MMS22L: variants seen among roughly 807,000 people sequenced by gnomAD.
The protein encoded by MMS22L is MMS22 like, DNA repair protein.
In MMS22L, 74 loss-of-function variants were observed where a neutral mutation model predicts 159.1. The ratio of observed to expected loss-of-function variants is 0.47; its 90% CI spans 0.39 to 0.56. MMS22L has a LOEUF of 0.56. Among genes scored for constraint, MMS22L ranks in the 20% least tolerant of loss-of-function variants. MMS22L has a pLI of 0.00. For synonymous variants in MMS22L, 517 were observed against 506.9 expected (o/e 1.02, Z -0.27); for missense variants, 1,351 against 1,422.1 (o/e 0.95, Z 0.80).
intron 14 of MMS22L, among the ~76,000 whole-genome samples, chr6:97,187,955 CAA>C (rs777141346): frequency 4.6e-5 from 7 of 152,002 alleles, no homozygotes; most frequent in Non-Finnish European, 7.4e-5. Context: ...AGGAAATATT[CAA>C]AAAACAAGTG....
chr6:97,214,700 T>C (rs1170610470), intron 14 of MMS22L, among the ~76,000 whole-genome samples: 3 of 148,984 alleles, frequency 2.0e-5, no homozygotes, highest in African/African-American at 5.0e-5. Context: ...TTTTTTTTTT[T>C]CAAATCATTT....
chr6:97,273,271 G>A (rs1815935986), intron 4 of MMS22L, among the ~76,000 whole-genome samples: 1 of 152,140 alleles, frequency 6.6e-6, no homozygotes, highest in African/African-American at 2.4e-5. Flanking sequence ...CTAATAGACA[G>A]TGCCTACCCT....
intron 9 of MMS22L, chr6:97,259,902 C>A (rs1437950365): frequency 6.6e-6 from 1 of 152,110 alleles, no homozygotes; most frequent in Non-Finnish European, 1.5e-5. Context: ...TTGGAGGGTA[C>A]ACATTTAGAG....
At chr6:97,272,135 T>C (rs972783482) in intron 6 of MMS22L, 2 of 152,240 alleles carry the variant, frequency 1.3e-5, no homozygotes, top group African/African-American at 4.8e-5. Flanking sequence ...ATCTATTACT[T>C]ATCTATAAGC....
chr6:97,178,506 C>CT lies in MMS22L; in HGVS notation c.2615dup (p.Ala873GlyfsTer4). 1 of 1,590,874 alleles carries CT rather than the reference C, an allele frequency of 6.3e-7. No individual in the cohort carries two copies. Among genetic ancestry groups the CT allele is most frequent in the Non-Finnish European group, 8.6e-7 (1 of 1,165,514 alleles). ...AGATGGATAAATATTCAACTTGGGC[C>CT]TTTGAGAAAATACTCTTTACTTCTG... On this transcript the variant is annotated frameshift_variant, in exon 18 of 25. Transcript: ENST00000683635. LOFTEE classifies it high-confidence loss of function.
intron 18 of MMS22L, among the ~76,000 whole-genome samples, chr6:97,177,813 CTG>C (rs1211696955): frequency 6.6e-6 from 1 of 152,120 alleles, no homozygotes; most frequent in Non-Finnish European, 1.5e-5. Flanking sequence ...ACCAACCACT[CTG>C]TGGGAAAATA....
intron 14 of MMS22L, among the ~76,000 whole-genome samples, chr6:97,187,656 C>G (rs1582525177): frequency 6.6e-6 from 1 of 151,904 alleles, no homozygotes; most frequent in East Asian, 1.9e-4. Context: ...ATAGAGATAG[C>G]ATTCCACTAA....
intron 14 of MMS22L, among the ~76,000 whole-genome samples, chr6:97,191,382 C>T (rs898213096): frequency 3.9e-5 from 6 of 152,154 alleles, no homozygotes; most frequent in African/African-American, 1.4e-4. Context: ...GTATGACATC[C>T]TATATACCAC....
chr6:97,152,845 T>A (rs1801456599), intron 22 of MMS22L, among the ~76,000 whole-genome samples: 1 of 151,382 alleles, frequency 6.6e-6, no homozygotes, highest in Admixed American at 6.6e-5. Context: ...TTTTCTTTTT[T>A]TTTTTTTTAA....
In MMS22L at chr6:97,142,894, A is replaced by G. The variant is rs1800705114; in HGVS notation, c.*3912T>C. The stretch of plus-strand genomic sequence containing the variant: ...AAACCCACAAACATCTGACTCACAA[A>G]TATTTTCTTATACAGATGCTGAGGT... On this transcript the variant is annotated 3_prime_UTR_variant, in exon 25 of 25. Transcript: ENST00000683635. 6.6e-6 allele frequency: 1 copy of G among 152,402 alleles called. No homozygotes were observed. The allele number at this position is 152,402 out of a possible 1,614,324, so 9.4% of individuals were successfully genotyped here. A position where few individuals can be genotyped will look rare whatever the true frequency, so the allele number is the denominator to read the frequency against.
chr6:97,283,523 T>C (rs750712698), upstream of MMS22L: 5 of 152,232 alleles, frequency 3.3e-5, no homozygotes, highest in Non-Finnish European at 7.3e-5. Context: ...ACACCCACAG[T>C]CGCGCCGTCC....
chr6:97,210,302 G>A (rs1335007232), intron 14 of MMS22L, among the ~76,000 whole-genome samples: 2 of 151,836 alleles, frequency 1.3e-5, no homozygotes, highest in Admixed American at 6.6e-5. Context: ...AACAGAATCA[G>A]GTATCAATTT....
chr6:97,186,486 T>C lies in MMS22L; in HGVS notation c.2233+11A>G, dbSNP rs2128280585. The C allele has an allele frequency of 1.2e-6, 2 of 1,603,044 alleles. No homozygotes were observed. On this transcript the variant is annotated intron_variant, in intron 15 of 24. Coordinates refer to ENST00000683635, the MANE Select transcript of MMS22L (RefSeq NM_001350599.2). ...AAAAGAGAAATTAGCAAATTAATAA[T>C]TAATGCTGACCTGCAGCTGCATCCG...
In MMS22L at chr6:97,149,830, T is replaced by C. The variant is rs554644076; in HGVS notation, c.3650+23A>G. The C allele has an allele frequency of 3.9e-6, 6 of 1,547,806 alleles. No homozygotes were observed. The East Asian group carries it at 1.4e-4, about 36-fold the overall frequency. On this transcript the variant is annotated intron_variant, in intron 24 of 24. Coordinates refer to ENST00000683635, the MANE Select transcript of MMS22L (RefSeq NM_001350599.2). ...ATTTTATAATCACTGCCCCCCCCAA[T>C]GTAATTAAATTATCAAACATACCTT... is the stretch of plus-strand genomic sequence containing the variant.
chr6:97,159,057 T>C (rs1489045094), intron 22 of MMS22L, among the ~76,000 whole-genome samples: 1 of 152,116 alleles, frequency 6.6e-6, no homozygotes, highest in Non-Finnish European at 1.5e-5. Flanking sequence ...TTTACCATTA[T>C]GTAATGGCCT....
chr6:97,212,018 A>C (rs181586665), intron 14 of MMS22L, among the ~76,000 whole-genome samples: 1 of 152,330 alleles, frequency 6.6e-6, no homozygotes, highest in Non-Finnish European at 1.5e-5. Context: ...TATGTAGGGC[A>C]ATCTCAGAGA....
At chr6:97,220,679 G>T (rs1165839321) in intron 14 of MMS22L, among the ~76,000 whole-genome samples, 5 of 150,478 alleles carry the variant, frequency 3.3e-5, no homozygotes, top group Admixed American at 3.3e-4. Context: ...CTTACCAAAA[G>T]AATCAGCTGA....
intron 11 of MMS22L, among the ~76,000 whole-genome samples, chr6:97,245,570 T>C (rs1433597116): frequency 6.6e-6 from 1 of 151,926 alleles, no homozygotes; most frequent in Non-Finnish European, 1.5e-5. Context: ...TCAAAAAAAA[T>C]GAGGACAACC....
rs765088882 is a variant in MMS22L at position 97,263,452 on chromosome 6, T to C, written c.829-4A>G. ...TTAATGATTCAGAAGACCTAACCTA[T>C]AGAAAATAACCAAAATGTGTTATTT... On this transcript the variant is annotated splice_polypyrimidine_tract_variant and splice_region_variant and intron_variant, in intron 8 of 24. Transcript: ENST00000683635. 18 of 1,484,438 alleles carry C rather than the reference T, an allele frequency of 1.2e-5. No homozygotes were observed. The South Asian group carries it at 2.0e-4, about 17-fold the overall frequency. The allele number at this position is 1,484,438 out of a possible 1,614,324, so 92.0% of individuals were successfully genotyped here. A position where few individuals can be genotyped will look rare whatever the true frequency, so the allele number is the denominator to read the frequency against.
Sources: allele counts gnomAD v4.1 joint callset (sites outside exome capture counted in the v4.1 genomes callset), GRCh38; gene constraint gnomAD v4.1.1; transcripts MANE v1.5; gene names NCBI Gene and HGNC (gene_info 2026-07-23, HGNC 2026-07-21).